The following HK1 variants were observed in gnomAD, a reference collection of about 807,000 sequenced individuals.
HK1 encodes hexokinase 1.
HK1 carries 28 observed loss-of-function variants against 91.6 expected under a neutral mutation model. The ratio of observed to expected loss-of-function variants is 0.31; its 90% CI spans 0.23 to 0.42. The LOEUF is 0.42. Among genes scored for constraint, HK1 ranks in the 10% least tolerant of loss-of-function variants. The pLI is 1.00. For missense variants in HK1, 770 were observed against 1,219.8 expected (o/e 0.63, Z 5.49); for synonymous variants, 430 against 468.1 (o/e 0.92, Z 1.05).
At chr10:69,300,396 G>T in intron 4 of HK1, 4 of 577,812 alleles carry the variant, frequency 6.9e-6, no homozygotes, top group South Asian at 1.9e-5. Context: ...TTTTTTTCAT[G>T]AGGCATTTTA....
At chr10:69,378,681 A>G (rs553874447) in intron 8 of HK1, among the ~76,000 whole-genome samples, 2 of 152,092 alleles carry the variant, frequency 1.3e-5, no homozygotes, top group Non-Finnish European at 2.9e-5. Flanking sequence ...TGGCCTCCCA[A>G]AGTGCTGGGA....
intron 15 of HK1, among the ~76,000 whole-genome samples, chr10:69,392,667 C>T (rs1230065971): frequency 6.6e-6 from 1 of 152,112 alleles, no homozygotes; most frequent in Non-Finnish European, 1.5e-5. Flanking sequence ...AAGCAGAGGC[C>T]CTGTCGCAAT....
intron 1 of HK1, among the ~76,000 whole-genome samples, chr10:69,325,272 C>G (rs527468917): frequency 6.6e-6 from 1 of 151,380 alleles, no homozygotes; most frequent in Non-Finnish European, 1.5e-5. Context: ...AGGATGGTCT[C>G]GATCTCCTGA....
At chr10:69,344,572 T>C (rs1460998260) in intron 2 of HK1, among the ~76,000 whole-genome samples, 3 of 152,290 alleles carry the variant, frequency 2.0e-5, no homozygotes, top group Non-Finnish European at 1.5e-5. Context: ...GGAGGTAGAA[T>C]TGAAAGAAAA....
intron 1 of HK1, 40 bp downstream of exon 1, chr10:69,319,050 C>T: frequency 6.4e-7 from 1 of 1,571,382 alleles, no homozygotes; most frequent in Non-Finnish European, 8.6e-7. Flanking sequence ...CTGGCCGCAG[C>T]CTTGCGTTCC....
At chr10:69,360,580 G>A (rs1273255068) in intron 3 of HK1, among the ~76,000 whole-genome samples, 1 of 152,214 alleles carries the variant, frequency 6.6e-6, no homozygotes, top group African/African-American at 2.4e-5. Flanking sequence ...AGAAAGCAGA[G>A]GAAGCAGGGA....
chr10:69,332,963 C>T (rs547756903), intron 1 of HK1, among the ~76,000 whole-genome samples: 19 of 152,188 alleles, frequency 1.2e-4, no homozygotes, highest in Non-Finnish European at 2.4e-4. Flanking sequence ...TGTGAGAGCT[C>T]CTGGACCATC....
At chr10:69,382,817 G>T in intron 10 of HK1, 26 bp downstream of exon 10, 9 of 1,603,364 alleles carry the variant, frequency 5.6e-6, no homozygotes, top group Non-Finnish European at 7.7e-6. Context: ...GGGCTGACAT[G>T]CCTGTCCTGC....
intron 3 of HK1, among the ~76,000 whole-genome samples, chr10:69,290,795 C>T (rs966806534): frequency 6.6e-6 from 1 of 152,200 alleles, no homozygotes. Context: ...CCTCTGTGCT[C>T]AGCCCCTCTC....
intron 1 of HK1, among the ~76,000 whole-genome samples, chr10:69,319,606 T>C (rs763268065): frequency 6.6e-6 from 1 of 152,268 alleles, no homozygotes; most frequent in Non-Finnish European, 1.5e-5. Context: ...ATAGGCCTCG[T>C]GTCTGGAGCG....
At chr10:69,341,682 C>G (rs1239208796) in intron 1 of HK1, among the ~76,000 whole-genome samples, 12 of 151,956 alleles carry the variant, frequency 7.9e-5, no homozygotes, top group Admixed American at 7.9e-4. Context: ...TCTCGAACTC[C>G]TGGGCTCAAA....
At chr10:69,394,755 G>A (rs912030995) in intron 15 of HK1, among the ~76,000 whole-genome samples, 195 bp from the exon 16 acceptor site, 1 of 152,206 alleles carries the variant, frequency 6.6e-6, no homozygotes, top group African/African-American at 2.4e-5. Context: ...TGTTTCTGAT[G>A]TGAGAGAGTG....
At chr10:69,372,116 C>G (rs1266643115) in intron 7 of HK1, among the ~76,000 whole-genome samples, 1 of 152,178 alleles carries the variant, frequency 6.6e-6, no homozygotes, top group South Asian at 2.1e-4. Context: ...GGGAACTCCT[C>G]TTTATAAAAC....
At chr10:69,351,909 A>G (rs1024251761) in intron 2 of HK1, among the ~76,000 whole-genome samples, 6 of 152,160 alleles carry the variant, frequency 3.9e-5, no homozygotes, top group Non-Finnish European at 5.9e-5. Context: ...TAGCTGATGG[A>G]TGGTCAAATA....
Position 69,319,015 on chromosome 10 carries a change from GC to G in HK1, c.63+10del. ...AAGGATGACCAGGTCAAAAAGGTGAGCCCCCGCCCGCGCCGCCGCTGGTCCT... is the reference window on the plus strand; with the variant it reads ...AAGGATGACCAGGTCAAAAAGGTGAGCCCCGCCCGCGCCGCCGCTGGTCCT... On this transcript the variant is annotated splice_donor_region_variant and intron_variant, in intron 1 of 17. Coordinates refer to ENST00000359426, the MANE Select transcript of HK1 (RefSeq NM_000188.3). The G allele has an allele frequency of 6.3e-7, 1 of 1,595,738 alleles. No individual in the cohort carries two copies.
chr10:69,332,800 G>T (rs945698617), intron 1 of HK1, among the ~76,000 whole-genome samples: 6 of 152,096 alleles, frequency 3.9e-5, no homozygotes, highest in Admixed American at 2.6e-4. Flanking sequence ...CAAATGCCAG[G>T]TGTTATCATT....
intron 3 of HK1, among the ~76,000 whole-genome samples, chr10:69,360,980 C>G (rs543141755): frequency 2.0e-4 from 31 of 152,358 alleles, no homozygotes; most frequent in African/African-American, 7.5e-4. Flanking sequence ...AGGTTCATGA[C>G]TAAGATTTCC....
At chr10:69,289,609 T>C (rs1845199555) in intron 3 of HK1, among the ~76,000 whole-genome samples, 1 of 150,676 alleles carries the variant, frequency 6.6e-6, no homozygotes, top group South Asian at 2.1e-4. Flanking sequence ...GTAGCTGAAA[T>C]TACAGGCGTG....
At chr10:69,389,478 GT>G in intron 14 of HK1, 182 bp downstream of exon 14, 1 of 601,660 alleles carries the variant, frequency 1.7e-6, no homozygotes, top group Non-Finnish European at 3.1e-6. Context: ...GCGGGGGGAG[GT>G]GGGGGGGCCT....
Sources: gnomAD v4.1 joint callset for allele counts (sites outside exome capture counted in the v4.1 genomes callset) on GRCh38, gnomAD v4.1.1 for gene constraint, MANE v1.5 for transcripts, NCBI Gene and HGNC (gene_info 2026-07-23, HGNC 2026-07-21) for gene names.